The following RSU1 variants were observed in gnomAD, a reference collection of about 807,000 sequenced individuals.
RSU1 encodes Ras suppressor protein 1.
A neutral mutation model predicts 31.1 loss-of-function variants in RSU1; 26 were observed. The observed-to-expected ratio is 0.84, with a 90% CI of 0.61 to 1.16. The LOEUF (loss-of-function observed/expected upper bound fraction) is 1.16, where lower values mean the gene tolerates loss of function less well. Among genes scored for constraint, RSU1 ranks in the 50% most tolerant of loss-of-function variants. The probability of loss-of-function intolerance (pLI) is 0.00; values close to 1 mark genes in which losing one functional copy is unlikely to be tolerated. For missense variants in RSU1, 320 were observed against 339.1 expected (o/e 0.94, Z 0.44); for synonymous variants, 164 against 136.3 (o/e 1.20, Z -1.41).
intron 7 of RSU1, among the ~76,000 whole-genome samples, chr10:16,718,097 T>TA (rs11411668): frequency 0.24 from 33,241 of 136,066 alleles, 4,530 homozygotes; most frequent in African/African-American, 0.37. Flanking sequence ...TCAATTTATT[T>TA]AAAAAAAAAA....
chr10:16,633,563 A>C (rs982294462), intron 8 of RSU1, among the ~76,000 whole-genome samples: 1 of 152,118 alleles, frequency 6.6e-6, no homozygotes, highest in Non-Finnish European at 1.5e-5. Flanking sequence ...TGAGTCCTCA[A>C]GGAATGTTCT....
chr10:16,795,353 C>CAAAAAA (rs532677802), intron 2 of RSU1, among the ~76,000 whole-genome samples: 3 of 75,208 alleles, frequency 4.0e-5, no homozygotes, highest in East Asian at 3.5e-4. Flanking sequence ...GACTCCATCT[C>CAAAAAA]AAAAAAAAAA....
intron 8 of RSU1, among the ~76,000 whole-genome samples, chr10:16,659,817 CTT>C (rs1010803766): frequency 1.3e-5 from 2 of 152,198 alleles, no homozygotes; most frequent in Admixed American, 1.3e-4. Flanking sequence ...AATGTCTCCT[CTT>C]TTGTTTTTGG....
intron 8 of RSU1, among the ~76,000 whole-genome samples, chr10:16,648,211 C>T (rs1277586732): frequency 1.3e-5 from 2 of 151,806 alleles, no homozygotes; most frequent in African/African-American, 4.8e-5. Context: ...AGCCATCCTC[C>T]TGCCTCCACT....
chr10:16,753,298 T>C (rs1448977702), intron 5 of RSU1, among the ~76,000 whole-genome samples: 2 of 152,244 alleles, frequency 1.3e-5, no homozygotes, highest in Non-Finnish European at 2.9e-5. Context: ...GCTATACTTC[T>C]CATAGATTAC....
intron 8 of RSU1, among the ~76,000 whole-genome samples, chr10:16,614,840 A>T (rs960913305): frequency 1.3e-5 from 2 of 152,168 alleles, no homozygotes; most frequent in Admixed American, 1.3e-4. Context: ...TCATTTACTC[A>T]TATCTAAAAT....
At chr10:16,640,696 C>T (rs542191646) in intron 8 of RSU1, among the ~76,000 whole-genome samples, 4 of 152,356 alleles carry the variant, frequency 2.6e-5, no homozygotes, top group Non-Finnish European at 5.9e-5. Context: ...GGCTCACACC[C>T]GGATGGTACC....
At chr10:16,739,596 G>A (rs1205640093) in intron 7 of RSU1, among the ~76,000 whole-genome samples, 2 of 149,070 alleles carry the variant, frequency 1.3e-5, no homozygotes, top group Non-Finnish European at 3.0e-5. Context: ...TCAGCCTCCT[G>A]AGTAGCTGGG....
At position 16,656,537 on chromosome 10, in the gene RSU1, T is replaced by C. The variant is rs149735787; in HGVS notation, c.731+38486A>G. 4.8e-3 allele frequency among the ~76,000 whole-genome samples: 730 copies of C among 152,302 alleles called. 6 individuals are homozygous for C. Among genetic ancestry groups the C allele is most frequent in the African/African-American group, 0.016 (680 of 41,572 alleles). ...TAAAGAATTCTATTTTATTTTAAGG[T>C]GTCAACCAGGGCCTGCAAAGTGAGA... On this transcript the variant is annotated intron_variant, in intron 8 of 8. Coordinates refer to ENST00000345264, the MANE Select transcript of RSU1 (RefSeq NM_012425.4).
At chr10:16,807,955 A>G (rs567470747) in intron 2 of RSU1, among the ~76,000 whole-genome samples, 2 of 150,974 alleles carry the variant, frequency 1.3e-5, no homozygotes, top group South Asian at 2.1e-4. Flanking sequence ...CCTGGGAGGC[A>G]GAGCTTGCAG....
rs949413042 is a variant in RSU1, at chr10:16,688,799, G to C, written c.731+6224C>G. On this transcript the variant is annotated intron_variant, in intron 8 of 8. Transcript: ENST00000345264. Reference sequence around the variant, plus strand: ...GAAAATCTCTTGAGGCCAGGGGTTTGAGAGTAGCTTGGGCAACATAGCAAG... The same window carrying C: ...GAAAATCTCTTGAGGCCAGGGGTTTCAGAGTAGCTTGGGCAACATAGCAAG... Among the ~76,000 whole-genome samples the C allele has an allele frequency of 5.3e-5, 8 of 150,790 alleles. No homozygotes were observed. In the East Asian group the frequency reaches 1.4e-3, roughly 26 times the overall value.
intron 4 of RSU1, among the ~76,000 whole-genome samples, chr10:16,756,488 C>T (rs1837088949): frequency 6.6e-6 from 1 of 152,176 alleles, no homozygotes; most frequent in African/African-American, 2.4e-5. Flanking sequence ...GCCCACTCAA[C>T]ATGAAGAGGA....
chr10:16,732,966 C>G (rs1303318238), intron 7 of RSU1, among the ~76,000 whole-genome samples: 1 of 152,064 alleles, frequency 6.6e-6, no homozygotes, highest in Non-Finnish European at 1.5e-5. Flanking sequence ...ATGGCTTTGA[C>G]AGGTTACTCT....
chr10:16,718,811 T>C (rs2131587546), intron 7 of RSU1, among the ~76,000 whole-genome samples: 1 of 151,832 alleles, frequency 6.6e-6, no homozygotes, highest in East Asian at 1.9e-4. Flanking sequence ...TGAAACCCCG[T>C]CTCTACTAAA....
chr10:16,680,838 T>C (rs1023896459), intron 8 of RSU1, among the ~76,000 whole-genome samples: 11 of 151,884 alleles, frequency 7.2e-5, no homozygotes, highest in Admixed American at 4.6e-4. Flanking sequence ...CAGGAAAAAA[T>C]GAAACAACAA....
rs141070486 is a variant in RSU1 at position 16,707,004 on chromosome 10, G to A, written c.599-11849C>T. Among the ~76,000 whole-genome samples the A allele has an allele frequency of 2.0e-5, 3 of 152,240 alleles. No homozygotes were observed. The East Asian group carries it at 5.8e-4, about 29-fold the overall frequency. Reference sequence around the variant, plus strand: ...ATATGAGTGGGATCATGTGTTATGTGTCTTTCTGTGTCTGGATTATTTCAC... The same window carrying A: ...ATATGAGTGGGATCATGTGTTATGTATCTTTCTGTGTCTGGATTATTTCAC... On this transcript the variant is annotated intron_variant, in intron 7 of 8. Transcript: ENST00000345264.
intron 3 of RSU1, among the ~76,000 whole-genome samples, chr10:16,778,018 CTTTTTTTTTT>C (rs10685188): frequency 8.5e-6 from 1 of 117,674 alleles, no homozygotes; most frequent in Non-Finnish European, 1.7e-5. Context: ...GGTCATATAC[CTTTTTTTTTT>C]TTTTTTTTTT....
intron 8 of RSU1, among the ~76,000 whole-genome samples, chr10:16,693,981 A>G (rs79999590): frequency 0.021 from 3,146 of 152,338 alleles, 41 homozygotes; most frequent in East Asian, 0.056. Context: ...AAATTATACT[A>G]GATCTCAGCA....
chr10:16,697,364 T>C (rs929616962), intron 7 of RSU1, among the ~76,000 whole-genome samples: 1 of 152,110 alleles, frequency 6.6e-6, no homozygotes, highest in Non-Finnish European at 1.5e-5. Context: ...GGAAAAAATA[T>C]GTGTATTCTT....
Sources: gnomAD v4.1 joint callset for allele counts (sites outside exome capture counted in the v4.1 genomes callset) on GRCh38, gnomAD v4.1.1 for gene constraint, MANE v1.5 for transcripts, NCBI Gene and HGNC (gene_info 2026-07-23, HGNC 2026-07-21) for gene names.